Variants in DNMBP observed in about 807,000 individuals in gnomAD.
DNMBP encodes dynamin-binding protein.
Under a neutral mutation model 150.0 loss-of-function variants are expected in DNMBP, and 87 were observed. The ratio of observed to expected loss-of-function variants is 0.58; its 90% confidence interval spans 0.49 to 0.69. The LOEUF (loss-of-function observed/expected upper bound fraction) is 0.69. Among genes scored for constraint, DNMBP ranks in the 30% least tolerant of loss-of-function variants. The pLI is 0.00. For missense variants in DNMBP, 1,774 were observed against 1,949.0 expected (o/e 0.91, Z 1.69); for synonymous variants, 711 against 750.4 (o/e 0.95, Z 0.86).
intron 16 of DNMBP, 131 bp from the exon 17 acceptor site, chr10:99,877,467 T>C: frequency 3.2e-6 from 2 of 617,098 alleles, no homozygotes; most frequent in Middle Eastern, 3.1e-4. Flanking sequence ...ATATGGCCAG[T>C]GAGACAGAGG....
chr10:99,882,791 G>A (rs1003562484), intron 15 of DNMBP, among the ~76,000 whole-genome samples: 1 of 152,166 alleles, frequency 6.6e-6, no homozygotes, highest in African/African-American at 2.4e-5. Flanking sequence ...AAGGCCAGGT[G>A]CCGTGGCTCA....
chr10:99,929,671 G>A (rs778942727), intron 4 of DNMBP: 16 of 702,794 alleles, frequency 2.3e-5, no homozygotes, highest in African/African-American at 1.4e-4. Context: ...GCTGTGCGGC[G>A]GAGGCAACTA....
chr10:99,964,123 C>T (rs2040591741), intron 3 of DNMBP, among the ~76,000 whole-genome samples: 1 of 149,216 alleles, frequency 6.7e-6, no homozygotes, highest in African/African-American at 2.5e-5. Context: ...TTTTCCTTGT[C>T]CTATTCTCTC....
intron 1 of DNMBP, among the ~76,000 whole-genome samples, chr10:99,974,863 A>C (rs1281883353): frequency 6.6e-6 from 1 of 152,228 alleles, no homozygotes; most frequent in Non-Finnish European, 1.5e-5. Flanking sequence ...TCCAGGGCTC[A>C]AGCAATCTTC....
At chr10:99,889,090 C>T in intron 11 of DNMBP, 137 bp from the exon 12 acceptor site, 1 of 977,678 alleles carries the variant, frequency 1.0e-6, no homozygotes. Context: ...GGTATTTTAG[C>T]TTTGAAATAA....
In DNMBP at chr10:99,879,928, G is replaced by C; in HGVS notation, c.4431C>G (p.Tyr1477Ter). Residue 1477 changes from tyrosine to a stop codon, truncating the protein, a stop_gained, in exon 16 of 17, where the codon TAC (tyrosine) becomes TAG (stop). Coordinates refer to ENST00000324109, the MANE Select transcript of DNMBP (RefSeq NM_015221.4). LOFTEE classifies it high-confidence loss of function. ...TTTGCCCATTTCGTCCTGGTACGGA[G>C]TAGCCAACTATTTCTGGATGCCTGA... ...RNFRHPEIVG[Y>*]SVPGRNGQSQ... 1 of 1,614,218 alleles carries C rather than the reference G, an allele frequency of 6.2e-7. No homozygotes were observed.
rs1429557091 is a variant in DNMBP, at chr10:99,877,284, A to C, written c.4601T>G (p.Val1534Gly). 1 of 1,613,808 alleles carries C rather than the reference A, an allele frequency of 6.2e-7. No homozygotes were observed. The highest frequency in any genetic ancestry group is 8.5e-7 in the Non-Finnish European group (1 of 1,179,978). Residue 1534 changes from valine (V) to glycine (G), a missense_variant, in exon 17 of 17, where the codon GTG becomes GGG. Around this residue, in one of 2 missense-constraint regions of DNMBP, gnomAD observed 1,430 missense variants for 1,492.5 expected, o/e 0.96. Transcript: ENST00000324109. Reference sequence around the variant, plus strand: ...GATCTTGAGTTTCTGATTGGCTGACACGCTCAGCTCATTTGGGTTTCGTGC... The same window carrying C: ...GATCTTGAGTTTCTGATTGGCTGACCCGCTCAGCTCATTTGGGTTTCGTGC... ...FKARNPNELSVSANQKLKILE... is the reference protein window; with the variant it reads ...FKARNPNELSGSANQKLKILE...
At chr10:99,964,488 C>T (rs2040597486) in intron 3 of DNMBP, among the ~76,000 whole-genome samples, 1 of 150,984 alleles carries the variant, frequency 6.6e-6, no homozygotes, top group South Asian at 2.1e-4. Context: ...TTTCTTTTCT[C>T]CTGTTTTTGT....
Position 99,900,700 on chromosome 10 carries a change from G to T in DNMBP, c.2555-634C>A, listed in dbSNP as rs12260711. ...AGGCTGGAGTGCAGTGGCACATCTC[G>T]GCTCACTGCAACATCCGCCTCCCTG... On this transcript the variant is annotated intron_variant, in intron 6 of 16. Transcript: ENST00000324109. Among the ~76,000 whole-genome samples, 507 of 151,894 alleles carry T rather than the reference G, an allele frequency of 3.3e-3. 3 individuals are homozygous for T. The highest frequency in any genetic ancestry group is 0.011 in the African/African-American group (474 of 41,376).
intron 4 of DNMBP, among the ~76,000 whole-genome samples, chr10:99,940,444 C>G (rs2133303635): frequency 6.6e-6 from 1 of 152,302 alleles, no homozygotes; most frequent in Admixed American, 6.5e-5. Context: ...GGTCCCTGCT[C>G]TGATCCCAGG....
chr10:99,946,914 T>C (rs2040363705), intron 4 of DNMBP, among the ~76,000 whole-genome samples: 1 of 152,124 alleles, frequency 6.6e-6, no homozygotes, highest in Non-Finnish European at 1.5e-5. Context: ...GCACAGGACA[T>C]GAACTGACAC....
intron 1 of DNMBP, among the ~76,000 whole-genome samples, chr10:99,985,044 C>G (rs2040815910): frequency 6.6e-6 from 1 of 152,060 alleles, no homozygotes; most frequent in African/African-American, 2.4e-5. Flanking sequence ...TGCCTGGCCT[C>G]AACCTATTTT....
intron 1 of DNMBP, among the ~76,000 whole-genome samples, chr10:99,981,335 C>T (rs554338906): frequency 1.3e-5 from 2 of 151,704 alleles, no homozygotes; most frequent in Non-Finnish European, 3.0e-5. Flanking sequence ...GTATGCACCA[C>T]CACACCCAGC....
At chr10:99,911,637 T>C (rs2039901290) in intron 4 of DNMBP, among the ~76,000 whole-genome samples, 1 of 152,198 alleles carries the variant, frequency 6.6e-6, no homozygotes, top group South Asian at 2.1e-4. Context: ...ATGTTAAATA[T>C]GGGTGAATTT....
chr10:99,941,359 G>A (rs375551487), intron 4 of DNMBP, among the ~76,000 whole-genome samples: 1 of 152,162 alleles, frequency 6.6e-6, no homozygotes, highest in East Asian at 1.9e-4. Context: ...CACACAGCAG[G>A]AATTCAAGAA....
At chr10:99,982,546 G>C (rs554967567) in intron 1 of DNMBP, among the ~76,000 whole-genome samples, 1 of 152,214 alleles carries the variant, frequency 6.6e-6, no homozygotes, top group Admixed American at 6.5e-5. Flanking sequence ...TCTAAATCCA[G>C]GTGAGAGGTA....
chr10:99,910,017 ACAG>A (rs2039881214), intron 4 of DNMBP, among the ~76,000 whole-genome samples: 1 of 152,256 alleles, frequency 6.6e-6, no homozygotes, highest in Non-Finnish European at 1.5e-5. Context: ...AAGGAAAAGA[ACAG>A]CAGTGAAACA....
chr10:99,948,830 G>A (rs1378548436), intron 4 of DNMBP, among the ~76,000 whole-genome samples: 2 of 151,986 alleles, frequency 1.3e-5, no homozygotes, highest in Non-Finnish European at 2.9e-5. Context: ...AGGTGTGGTG[G>A]CGGGCACCTG....
rs141086323 is a variant in DNMBP, at chr10:99,954,014, T to C, written c.2260+1200A>G. On this transcript the variant is annotated intron_variant, in intron 4 of 16. Transcript: ENST00000324109. The stretch of plus-strand genomic sequence containing the variant: ...AAGAGACATAAATGTCCCAGAGGTA[T>C]ATGTGTCTCCGAGGTATGAGATTCT... Among the ~76,000 whole-genome samples, 741 of 151,926 alleles carry C rather than the reference T, an allele frequency of 4.9e-3. 5 individuals carry two copies. Among genetic ancestry groups the C allele is most frequent in the Middle Eastern group, 0.041 (12 of 294 alleles).
Sources: allele counts gnomAD v4.1 joint callset (sites outside exome capture counted in the v4.1 genomes callset), GRCh38; gene constraint gnomAD v4.1.1; regional missense constraint gnomAD v4.1.1; transcripts MANE v1.5; gene names NCBI Gene and HGNC (gene_info 2026-07-23, HGNC 2026-07-21).